The following SIK3 variants were observed in gnomAD, a reference collection of about 807,000 sequenced individuals.
SIK3 encodes serine/threonine-protein kinase SIK3.
In SIK3, 28 loss-of-function variants were observed where a neutral mutation model predicts 144.2. That is an observed-to-expected ratio of 0.19 (90% CI 0.14 to 0.27). The LOEUF (loss-of-function observed/expected upper bound fraction) is 0.27. Ranked by LOEUF, SIK3 falls within the 10% of genes least tolerant of loss-of-function variation. SIK3 has a pLI of 1.00. For missense variants in SIK3, 1,319 were observed against 1,776.0 expected (o/e 0.74, Z 4.62); for synonymous variants, 686 against 676.3 (o/e 1.01, Z -0.22).
At chr11:116,887,613 A>C (rs79858607) in intron 6 of SIK3, among the ~76,000 whole-genome samples, 5 of 112,244 alleles carry the variant, frequency 4.5e-5, no homozygotes, top group East Asian at 2.4e-4. Context: ...TCTGTCTCCC[A>C]AAAAAAAAAA....
intron 1 of SIK3, among the ~76,000 whole-genome samples, chr11:117,043,665 T>C (rs111691095): frequency 0.012 from 1,902 of 152,286 alleles, 42 homozygotes; most frequent in African/African-American, 0.042. Flanking sequence ...AAAATCAACA[T>C]TCAACTGAAC....
chr11:117,083,565 T>C (rs1207979943), intron 1 of SIK3, among the ~76,000 whole-genome samples: 2 of 152,138 alleles, frequency 1.3e-5, no homozygotes, highest in Admixed American at 1.3e-4. Context: ...AAAAACATTA[T>C]TTTGAGAGTT....
chr11:117,093,350 C>T (rs77341747), intron 1 of SIK3, among the ~76,000 whole-genome samples: 9,549 of 152,202 alleles, frequency 0.063, 500 homozygotes, highest in African/African-American at 0.14. Context: ...ATGTGTCTGG[C>T]TAGTCAATAT....
At chr11:117,092,561 C>A (rs74420345) in intron 1 of SIK3, among the ~76,000 whole-genome samples, 9,509 of 152,198 alleles carry the variant, frequency 0.062, 342 homozygotes, top group Middle Eastern at 0.11. Context: ...TCTCCTTCTA[C>A]TAGAAAGCTC....
At chr11:116,940,834 C>G (rs957923149) in intron 3 of SIK3, among the ~76,000 whole-genome samples, 1 of 149,664 alleles carries the variant, frequency 6.7e-6, no homozygotes, top group Admixed American at 6.7e-5. Context: ...TTAGTCATAT[C>G]TGATATTAAG....
chr11:117,069,834 A>G (rs1728266553), intron 1 of SIK3, among the ~76,000 whole-genome samples: 1 of 152,228 alleles, frequency 6.6e-6, no homozygotes, highest in African/African-American at 2.4e-5. Context: ...ACATTCATTT[A>G]CTACTCAGGA....
intron 1 of SIK3, among the ~76,000 whole-genome samples, chr11:117,091,486 G>A (rs1176242339): frequency 3.9e-5 from 6 of 152,060 alleles, no homozygotes; most frequent in East Asian, 1.9e-4. Flanking sequence ...AATTACAGGC[G>A]TGAGCCACCA....
chr11:116,861,869 GCTGATTTTCACATGCAGC>G lies in SIK3; in HGVS notation c.2269_2286del (p.Ala757_Gln762del). On this transcript the variant is annotated inframe_deletion, in exon 18 of 25. Transcript: ENST00000445177. ...TGGAGCTGATGGGTAAGGAGGGCTG[GCTGATTTTCACATGCAGC>G]CTGAAGAGGTGGAGATGGCTGAGGA... The G allele has an allele frequency of 1.2e-6, 2 of 1,612,208 alleles. No homozygotes were observed. The highest frequency in any genetic ancestry group is 1.7e-6 in the Non-Finnish European group (2 of 1,179,236).
At chr11:116,988,340 G>A (rs1328677410) in intron 1 of SIK3, among the ~76,000 whole-genome samples, 1 of 151,798 alleles carries the variant, frequency 6.6e-6, no homozygotes, top group Non-Finnish European at 1.5e-5. Flanking sequence ...GAGCCGAGAT[G>A]GCGCCACTGC....
intron 6 of SIK3, among the ~76,000 whole-genome samples, chr11:116,886,276 C>A (rs1172712165): frequency 6.6e-6 from 1 of 152,196 alleles, no homozygotes; most frequent in Non-Finnish European, 1.5e-5. Context: ...CAGTGTGTCT[C>A]AAAAGGTATG....
At chr11:117,036,242 A>T (rs74577941) in intron 1 of SIK3, among the ~76,000 whole-genome samples, 5 of 151,394 alleles carry the variant, frequency 3.3e-5, no homozygotes, top group African/African-American at 1.2e-4. Flanking sequence ...TTAAAAAAAA[A>T]TAATGTAGGT....
At chr11:117,093,476 G>C (rs1229004400) in intron 1 of SIK3, among the ~76,000 whole-genome samples, 1 of 152,188 alleles carries the variant, frequency 6.6e-6, no homozygotes, top group Non-Finnish European at 1.5e-5. Flanking sequence ...GTGTCCTTAA[G>C]CTTGCAGAAA....
intron 4 of SIK3, among the ~76,000 whole-genome samples, chr11:116,898,044 T>C (rs546662275): frequency 6.0e-4 from 92 of 152,072 alleles, no homozygotes; most frequent in Non-Finnish European, 7.6e-4. Flanking sequence ...TACATATGTA[T>C]ACATGTGCCA....
intron 1 of SIK3, among the ~76,000 whole-genome samples, chr11:117,041,259 G>A (rs112168128): frequency 5.3e-4 from 81 of 152,224 alleles, no homozygotes; most frequent in Middle Eastern, 3.4e-3. Context: ...CAGAGGAGAT[G>A]TGGAAGAAAG....
At chr11:117,006,366 G>A (rs183415531) in intron 1 of SIK3, among the ~76,000 whole-genome samples, 3 of 152,300 alleles carry the variant, frequency 2.0e-5, no homozygotes, top group Admixed American at 1.3e-4. Flanking sequence ...ATGTCCAAGT[G>A]TTGTGATCAG....
chr11:116,994,670 A>C (rs985946569), intron 1 of SIK3, among the ~76,000 whole-genome samples: 1 of 152,168 alleles, frequency 6.6e-6, no homozygotes, highest in Non-Finnish European at 1.5e-5. Context: ...ATAAGCCATC[A>C]CTGTCGGACT....
At position 116,844,704 on chromosome 11, in the gene SIK3, A is replaced by AAT. The variant is rs1941823564; in HGVS notation, c.*937_*938dup. 2 of 137,664 alleles carry AAT rather than the reference A, an allele frequency of 1.5e-5. No individual in the cohort carries two copies. Among genetic ancestry groups the AAT allele is most frequent in the South Asian group, 2.2e-4 (1 of 4,496 alleles). 8.5% of individuals were successfully genotyped at this position (137,664 alleles called of 1,614,324 possible). On this transcript the variant is annotated 3_prime_UTR_variant, in exon 25 of 25. Coordinates refer to ENST00000445177, the MANE Select transcript of SIK3 (RefSeq NM_001366686.3). The stretch of plus-strand genomic sequence containing the variant: ...ATATTATATATATACACACATATAT[A>AAT]ATATATATATGGAGAAACAATCCTT...
Position 116,873,551 on chromosome 11 carries a change from T to C in SIK3, c.1667A>G (p.Asn556Ser), listed in dbSNP as rs1346663015. 8 of 1,612,580 alleles carry C rather than the reference T, an allele frequency of 5.0e-6. No individual in the cohort carries two copies. Among genetic ancestry groups the C allele is most frequent in the Non-Finnish European group, 8.5e-7 (1 of 1,179,488 alleles). The change falls in exon 13 of 25, where the codon AAC (asparagine) becomes AGC (serine). Residue 556 changes from asparagine to serine, a missense_variant. Asn to Ser is a conservative substitution (Grantham distance 46, BLOSUM62 1). Transcript: ENST00000445177. ...CAGCTGCTGGGCATGCAGTTGGATG[T>C]TGGCTCCTCCATCTGATGCCCTCCG... is the stretch of plus-strand genomic sequence containing the variant. The part of the protein sequence containing the change: ...LGRRASDGGA[N>S]IQLHAQQLLK...
At chr11:116,949,760 A>G (rs1007986293) in intron 3 of SIK3, among the ~76,000 whole-genome samples, 4 of 151,680 alleles carry the variant, frequency 2.6e-5, no homozygotes, top group Non-Finnish European at 2.9e-5. Flanking sequence ...CTTTACCACA[A>G]CCTCCACTGT....
Sources: allele counts gnomAD v4.1 joint callset (sites outside exome capture counted in the v4.1 genomes callset), GRCh38; gene constraint gnomAD v4.1.1; transcripts MANE v1.5; gene names NCBI Gene and HGNC (gene_info 2026-07-23, HGNC 2026-07-21).